RP1: variants seen among roughly 807,000 people sequenced by gnomAD.
RP1 encodes oxygen-regulated protein 1.
In RP1, 16 loss-of-function variants were observed where a neutral mutation model predicts 14.8. The ratio of observed to expected loss-of-function variants is 1.08; its 90% CI spans 0.73 to 1.65. The LOEUF (loss-of-function observed/expected upper bound fraction) is 1.65, where lower values mean the gene tolerates loss of function less well. RP1 is among the 40% of genes most tolerant of loss of function. The pLI is 0.00. For missense variants in RP1, 2,631 were observed against 2,535.0 expected (o/e 1.04, Z -0.81); for synonymous variants, 876 against 883.6 (o/e 0.99, Z 0.15).
chr8:54,687,750 G>T (rs1161580941), intron 12 of RP1, among the ~76,000 whole-genome samples: 1 of 152,054 alleles, frequency 6.6e-6, no homozygotes. Flanking sequence ...TTGCTACTGT[G>T]AACAGTGCCA....
chr8:54,726,433 C>T (rs1001379039), exon 17 of RP1: 1 of 1,533,610 alleles, frequency 6.5e-7, no homozygotes, highest in Non-Finnish European at 8.7e-7. Context: ...AAAAAATACC[C>T]CCAGAATCTG....
chr8:54,693,645 T>C (rs1405258801), intron 12 of RP1, among the ~76,000 whole-genome samples: 11 of 152,204 alleles, frequency 7.2e-5, no homozygotes, highest in Admixed American at 7.2e-4. Flanking sequence ...ATAAGAATGC[T>C]TGTGATTTTT....
At chr8:54,852,217 C>G (rs1456861933) in intron 25 of RP1, among the ~76,000 whole-genome samples, 2 of 151,968 alleles carry the variant, frequency 1.3e-5, no homozygotes, top group Non-Finnish European at 2.9e-5. Flanking sequence ...AACAGCCAGA[C>G]TTTAGGGGGA....
At chr8:54,851,415 T>C (rs1359469776) in intron 25 of RP1, among the ~76,000 whole-genome samples, 1 of 152,224 alleles carries the variant, frequency 6.6e-6, no homozygotes, top group Non-Finnish European at 1.5e-5. Context: ...TTTAAAAGAT[T>C]TCTCAGTGAA....
chr8:54,567,999 C>T (rs1399240808), intron 1 of RP1, among the ~76,000 whole-genome samples: 1 of 152,146 alleles, frequency 6.6e-6, no homozygotes, highest in Non-Finnish European at 1.5e-5. Context: ...TAGTCCAGGG[C>T]TGGTATGGTG....
chr8:54,791,301 G>A (rs1172044276), intron 24 of RP1, among the ~76,000 whole-genome samples: 1 of 152,050 alleles, frequency 6.6e-6, no homozygotes, highest in Admixed American at 6.5e-5. Context: ...AAGTGATGAA[G>A]GAGTTCATCA....
intron 24 of RP1, among the ~76,000 whole-genome samples, chr8:54,836,594 C>T (rs559130899): frequency 2.0e-4 from 31 of 152,134 alleles, no homozygotes; most frequent in Non-Finnish European, 3.4e-4. Flanking sequence ...CTCAATCCTA[C>T]AGCCTCAAGG....
At chr8:54,623,598 C>G (rs1364855821) in intron 3 of RP1, among the ~76,000 whole-genome samples, 5 of 151,976 alleles carry the variant, frequency 3.3e-5, no homozygotes, top group African/African-American at 1.2e-4. Context: ...GCGTCCAGCC[C>G]AGGCATTTTG....
chr8:54,838,467 T>C (rs968265460), intron 25 of RP1, among the ~76,000 whole-genome samples: 2 of 152,080 alleles, frequency 1.3e-5, no homozygotes, highest in African/African-American at 4.8e-5. Flanking sequence ...ATGTATGTGT[T>C]TGTGTGTATG....
chr8:54,812,790 T>TATCTATCTATC (rs1554535901), intron 24 of RP1, among the ~76,000 whole-genome samples: 2 of 150,590 alleles, frequency 1.3e-5, no homozygotes, highest in Admixed American at 1.3e-4. Flanking sequence ...TCTATCTATC[T>TATCTATCTATC]ATCTATCTAT....
intron 25 of RP1, among the ~76,000 whole-genome samples, chr8:54,840,655 A>T (rs1811770724): frequency 6.7e-6 from 1 of 149,946 alleles, no homozygotes; most frequent in Non-Finnish European, 1.5e-5. Flanking sequence ...TCCAAGAGAA[A>T]CTTCATTGTA....
chr8:54,784,672 A>G (rs1340262573), intron 24 of RP1, among the ~76,000 whole-genome samples: 1 of 152,108 alleles, frequency 6.6e-6, no homozygotes, highest in Non-Finnish European at 1.5e-5. Context: ...GCCTCCAAAA[A>G]CATAGTAAAC....
chr8:54,603,090 T>C (rs1805332893), intron 1 of RP1, among the ~76,000 whole-genome samples: 1 of 152,232 alleles, frequency 6.6e-6, no homozygotes, highest in Admixed American at 6.5e-5. Flanking sequence ...GCTTTTGATG[T>C]TTTAGACATG....
chr8:54,572,981 C>A (rs1337865553), intron 1 of RP1, among the ~76,000 whole-genome samples: 1 of 149,960 alleles, frequency 6.7e-6, no homozygotes, highest in Non-Finnish European at 1.5e-5. Context: ...TATAGACACT[C>A]ACTTTTTACA....
intron 9 of RP1, chr8:54,679,387 C>T: frequency 6.6e-7 from 1 of 1,506,294 alleles, no homozygotes; most frequent in Non-Finnish European, 8.9e-7. Context: ...AATATAAAGT[C>T]TGAAAATAAT....
chr8:54,567,699 T>C (rs1804438062), intron 1 of RP1, among the ~76,000 whole-genome samples: 1 of 152,214 alleles, frequency 6.6e-6, no homozygotes, highest in Non-Finnish European at 1.5e-5. Context: ...TGAGACCATG[T>C]AACAAAATTC....
chr8:54,794,348 T>C (rs1289757462), intron 24 of RP1, among the ~76,000 whole-genome samples: 1 of 151,542 alleles, frequency 6.6e-6, no homozygotes, highest in Non-Finnish European at 1.5e-5. Context: ...AGTATTTTTA[T>C]TTTATTGGCA....
chr8:54,736,355 G>A (rs1399971728), intron 18 of RP1, among the ~76,000 whole-genome samples: 1 of 152,144 alleles, frequency 6.6e-6, no homozygotes, highest in Non-Finnish European at 1.5e-5. Context: ...AAGAACAGAA[G>A]CCTTGGAGTC....
intron 25 of RP1, among the ~76,000 whole-genome samples, chr8:54,852,181 C>A (rs1204822838): frequency 1.3e-5 from 2 of 151,966 alleles, no homozygotes; most frequent in Non-Finnish European, 2.9e-5. Context: ...CAAGAAGTAG[C>A]AGCATGAGTG....
Sources: gnomAD v4.1 joint callset for allele counts (sites outside exome capture counted in the v4.1 genomes callset) on GRCh38, gnomAD v4.1.1 for gene constraint, MANE v1.5 for transcripts, NCBI Gene and HGNC (gene_info 2026-07-23, HGNC 2026-07-21) for gene names.